CASQ2: variants seen among roughly 807,000 people sequenced by gnomAD.
The protein encoded by CASQ2 is calsequestrin 2.
CASQ2 carries 49 observed loss-of-function variants against 46.5 expected under a neutral mutation model. The observed-to-expected ratio is 1.05, with a 90% confidence interval of 0.84 to 1.34. The LOEUF is 1.34. CASQ2 is among the 40% of genes most tolerant of loss of function. The pLI is 0.00. For synonymous variants in CASQ2, 174 were observed against 168.5 expected, an observed-to-expected ratio of 1.03 and a Z score of -0.25; for missense variants, 486 against 481.3, an observed-to-expected ratio of 1.01 and a Z score of -0.09.
intron 5 of CASQ2, among the ~76,000 whole-genome samples, chr1:115,732,529 ACGC>A (rs1210624514): frequency 6.6e-6 from 1 of 152,094 alleles, no homozygotes. Flanking sequence ...TCCCATCCTG[ACGC>A]AGTAGAAGGG....
chr1:115,713,471 G>C (rs1330640962), intron 8 of CASQ2, among the ~76,000 whole-genome samples: 2 of 152,188 alleles, frequency 1.3e-5, no homozygotes, highest in African/African-American at 4.8e-5. Flanking sequence ...AGGTGGAGGT[G>C]GGAGTACAGG....
Position 115,732,889 on chromosome 1 carries a change from A to G in CASQ2, c.606+12T>C, listed in dbSNP as rs763932609. The G allele has an allele frequency of 7.5e-6, 12 of 1,598,208 alleles. No individual in the cohort carries two copies. In the African/African-American group the frequency reaches 1.2e-4, roughly 16 times the overall value. ...ACAAAACTGTTCAAATTGGGGTTTCATAGGTACTTACCCCTTTGTCAAAGG... is the reference window on the plus strand; with the variant it reads ...ACAAAACTGTTCAAATTGGGGTTTCGTAGGTACTTACCCCTTTGTCAAAGG... On this transcript the variant is annotated intron_variant, in intron 5 of 10. Coordinates refer to ENST00000261448, the MANE Select transcript of CASQ2 (RefSeq NM_001232.4).
At chr1:115,748,792 A>C (rs1317660343) in intron 1 of CASQ2, among the ~76,000 whole-genome samples, 1 of 152,128 alleles carries the variant, frequency 6.6e-6, no homozygotes, top group Non-Finnish European at 1.5e-5. Context: ...GTTCCCTTGT[A>C]TATCACTCAG....
In CASQ2 at chr1:115,701,035, C is replaced by T. The variant is rs541969897; in HGVS notation, c.*206G>A. ...AGTCAACATGGGAATAATTTTTCTC[C>T]TGTCCCTGCTAAGTGGGATTGCTGC... On this transcript the variant is annotated 3_prime_UTR_variant, in exon 11 of 11. Coordinates refer to ENST00000261448, the MANE Select transcript of CASQ2 (RefSeq NM_001232.4). 1 of 713,232 alleles carries T rather than the reference C, an allele frequency of 1.4e-6. No individual in the cohort carries two copies. The highest frequency in any genetic ancestry group is 2.5e-6 in the Non-Finnish European group (1 of 407,474). 44.2% of individuals were successfully genotyped at this position (713,232 alleles called of 1,614,324 possible).
intron 9 of CASQ2, among the ~76,000 whole-genome samples, chr1:115,704,789 G>A (rs1016501543): frequency 6.6e-6 from 1 of 152,108 alleles, no homozygotes; most frequent in South Asian, 2.1e-4. Flanking sequence ...TTCTGAACTC[G>A]CTGAAAAATG....
chr1:115,757,407 T>C (rs941492399), intron 1 of CASQ2, among the ~76,000 whole-genome samples: 1 of 152,200 alleles, frequency 6.6e-6, no homozygotes, highest in Non-Finnish European at 1.5e-5. Flanking sequence ...TCTGACCTCA[T>C]CTAATTTTTC....
At chr1:115,737,040 T>C (rs967533839) in intron 4 of CASQ2, among the ~76,000 whole-genome samples, 5 of 152,050 alleles carry the variant, frequency 3.3e-5, no homozygotes, top group Non-Finnish European at 7.4e-5. Context: ...CTGAGCTACA[T>C]GGATGAAGAG....
At chr1:115,721,085 G>A (rs1229784718) in intron 7 of CASQ2, among the ~76,000 whole-genome samples, 4 of 152,188 alleles carry the variant, frequency 2.6e-5, no homozygotes, top group Non-Finnish European at 5.9e-5. Context: ...AAATAAGCAG[G>A]CTTCCTATTT....
Position 115,700,179 on chromosome 1 carries a change from C to T in CASQ2, c.*1062G>A, listed in dbSNP as rs927164849. Reference sequence around the variant, plus strand: ...TACTGCACACTTAACACTAAATCTACCAAGCACAATGTAACTTTTAGACAG... The same window carrying T: ...TACTGCACACTTAACACTAAATCTATCAAGCACAATGTAACTTTTAGACAG... On this transcript the variant is annotated 3_prime_UTR_variant, in exon 11 of 11. Coordinates refer to ENST00000261448, the MANE Select transcript of CASQ2 (RefSeq NM_001232.4). The T allele has an allele frequency of 6.6e-6, 1 of 151,984 alleles. No individual in the cohort carries two copies. Among genetic ancestry groups the T allele is most frequent in the East Asian group, 1.9e-4 (1 of 5,186 alleles). 9.4% of individuals were successfully genotyped at this position (151,984 alleles called of 1,614,324 possible).
chr1:115,747,267 A>G lies in CASQ2; in HGVS notation c.235-2355T>C, dbSNP rs1407272712. The stretch of plus-strand genomic sequence containing the variant: ...ATTCAATTGCTTTTGTAACTTTGTC[A>G]AAAATCAGTTGGCATATTCATGTGG... On this transcript the variant is annotated intron_variant, in intron 1 of 10. Coordinates refer to ENST00000261448, the MANE Select transcript of CASQ2 (RefSeq NM_001232.4). 3.3e-5 allele frequency among the ~76,000 whole-genome samples: 5 copies of G among 152,294 alleles called. No individual in the cohort carries two copies. In the East Asian group the frequency reaches 9.6e-4, roughly 29 times the overall value.
At chr1:115,734,687 C>T (rs893775982) in intron 4 of CASQ2, among the ~76,000 whole-genome samples, 1 of 152,158 alleles carries the variant, frequency 6.6e-6, no homozygotes, top group Non-Finnish European at 1.5e-5. Context: ...GGAATAGGCT[C>T]CTGAACATTG....
chr1:115,712,861 AAAAAAAAGAAAG>A (rs1027211582), intron 8 of CASQ2, among the ~76,000 whole-genome samples: 1 of 144,664 alleles, frequency 6.9e-6, no homozygotes, highest in African/African-American at 2.5e-5. Flanking sequence ...CTCAAAAAAA[AAAAAAAAGAAAG>A]AAAGAAAGAA....
At chr1:115,747,541 G>A (rs1378586128) in intron 1 of CASQ2, among the ~76,000 whole-genome samples, 1 of 152,064 alleles carries the variant, frequency 6.6e-6, no homozygotes, top group East Asian at 1.9e-4. Flanking sequence ...GATAGCAATT[G>A]CATTAAATCT....
chr1:115,726,509 T>G lies in CASQ2; in HGVS notation c.737+483A>C, dbSNP rs529791481. On this transcript the variant is annotated intron_variant, in intron 6 of 10. Transcript: ENST00000261448. ...TGATCCATGCTGGAGCTACACTAAG[T>G]GGTATCAAGCATTTCTCTCCCAGAA... Among the ~76,000 whole-genome samples the G allele has an allele frequency of 3.3e-5, 5 of 152,306 alleles. No individual in the cohort carries two copies. The East Asian group carries it at 5.8e-4, about 18-fold the overall frequency.
rs758724908 is a variant in CASQ2 at position 115,700,909 on chromosome 1, T to A, written c.*332A>T. On this transcript the variant is annotated 3_prime_UTR_variant, in exon 11 of 11. Coordinates refer to ENST00000261448, the MANE Select transcript of CASQ2 (RefSeq NM_001232.4). The stretch of plus-strand genomic sequence containing the variant: ...CTGTCATAATCAAAGACAAGTAAAC[T>A]TGTGTTAGGGGATTGTTCACCCTAG... 26 of 593,916 alleles carry A rather than the reference T, an allele frequency of 4.4e-5. No individual in the cohort carries two copies. The highest frequency in any genetic ancestry group is 7.2e-5 in the Non-Finnish European group (24 of 335,198). 36.8% of individuals were successfully genotyped at this position (593,916 alleles called of 1,614,324 possible). A position where few individuals can be genotyped will look rare whatever the true frequency, so the allele number is the denominator to read the frequency against.
At chr1:115,766,318 A>G (rs995981113) in intron 1 of CASQ2, among the ~76,000 whole-genome samples, 1 of 152,210 alleles carries the variant, frequency 6.6e-6, no homozygotes, top group African/African-American at 2.4e-5. Flanking sequence ...TAGCTGTGTG[A>G]CCTTGGACAA....
At chr1:115,751,863 C>T (rs967760191) in intron 1 of CASQ2, among the ~76,000 whole-genome samples, 11 of 152,180 alleles carry the variant, frequency 7.2e-5, no homozygotes, top group African/African-American at 2.7e-4. Flanking sequence ...ATGTCCTGCA[C>T]TCTTTGTCCC....
At chr1:115,768,238 C>A (rs886189285) in intron 1 of CASQ2, 70 bp downstream of exon 1, 2 of 1,008,732 alleles carry the variant, frequency 2.0e-6, no homozygotes, top group Non-Finnish European at 3.2e-6. Context: ...CATATCCCAA[C>A]CCCTGGCCAA....
intron 1 of CASQ2, among the ~76,000 whole-genome samples, chr1:115,746,119 T>C (rs1353007231): frequency 6.6e-6 from 1 of 152,090 alleles, no homozygotes; most frequent in Non-Finnish European, 1.5e-5. Context: ...TCAGTGTAAT[T>C]ATGTAGAGAT....
Sources: allele counts gnomAD v4.1 joint callset (sites outside exome capture counted in the v4.1 genomes callset), GRCh38; gene constraint gnomAD v4.1.1; transcripts MANE v1.5; gene names NCBI Gene and HGNC (gene_info 2026-07-23, HGNC 2026-07-21).